The following DGKI variants were observed in gnomAD, a reference collection of about 807,000 sequenced individuals.
DGKI encodes the protein DAG kinase iota.
DGKI carries 55 observed loss-of-function variants against 147.5 expected under a neutral mutation model. The ratio of observed to expected loss-of-function variants is 0.37; its 90% CI spans 0.30 to 0.47. The LOEUF is 0.47. Among genes scored for constraint, DGKI ranks in the 20% least tolerant of loss-of-function variants. The pLI is 1.00. For missense variants in DGKI, 1,007 were observed against 1,323.8 expected, an observed-to-expected ratio of 0.76 and a Z score of 3.71; for synonymous variants, 469 against 477.1, an observed-to-expected ratio of 0.98 and a Z score of 0.22.
intron 19 of DGKI, among the ~76,000 whole-genome samples, chr7:137,567,877 G>A (rs897768342): frequency 3.9e-5 from 6 of 152,128 alleles, no homozygotes; most frequent in African/African-American, 1.2e-4. Context: ...TGCATATGAT[G>A]TATATATGAC....
intron 19 of DGKI, among the ~76,000 whole-genome samples, chr7:137,567,997 G>A (rs1818649673): frequency 6.6e-6 from 1 of 152,138 alleles, no homozygotes; most frequent in African/African-American, 2.4e-5. Context: ...TATAAAAGCT[G>A]AGTGATGATA....
At chr7:137,745,499 T>C (rs1200068924) in intron 1 of DGKI, among the ~76,000 whole-genome samples, 1 of 152,178 alleles carries the variant, frequency 6.6e-6, no homozygotes, top group Non-Finnish European at 1.5e-5. Context: ...ATGATAAAAT[T>C]TCACACTGTC....
intron 20 of DGKI, among the ~76,000 whole-genome samples, chr7:137,540,785 A>C (rs10081271): frequency 0.095 from 13,111 of 138,730 alleles, 1,474 homozygotes; most frequent in African/African-American, 0.28. Context: ...AAAAAAAAAA[A>C]AAACATTTAC....
At chr7:137,466,785 A>G in intron 25 of DGKI, 117 bp downstream of exon 25, 2 of 1,002,728 alleles carry the variant, frequency 2.0e-6, no homozygotes, top group Non-Finnish European at 3.2e-6. Context: ...TATGAACACC[A>G]TTCCAAAATT....
At chr7:137,696,795 G>A (rs1823805086) in intron 1 of DGKI, among the ~76,000 whole-genome samples, 2 of 152,064 alleles carry the variant, frequency 1.3e-5, no homozygotes, top group South Asian at 4.1e-4. Context: ...CCAATTCCTA[G>A]TACCTCAGAA....
intron 27 of DGKI, among the ~76,000 whole-genome samples, chr7:137,458,878 GA>G (rs1205548237): frequency 6.6e-6 from 1 of 151,926 alleles, no homozygotes; most frequent in African/African-American, 2.4e-5. Context: ...CTTGGACACT[GA>G]AAAAAAATTT....
At chr7:137,705,547 G>C (rs144686275) in intron 1 of DGKI, among the ~76,000 whole-genome samples, 322 of 152,222 alleles carry the variant, frequency 2.1e-3, no homozygotes, top group Non-Finnish European at 4.4e-3. Flanking sequence ...GTAGAAATCA[G>C]AACAGTGGTT....
At chr7:137,614,952 G>A (rs191691419) in intron 8 of DGKI, among the ~76,000 whole-genome samples, 117 of 152,096 alleles carry the variant, frequency 7.7e-4, no homozygotes, top group Admixed American at 4.2e-3. Context: ...TTCTCAACCC[G>A]TGTTTCACTG....
chr7:137,396,577 T>C (rs955993559), intron 31 of DGKI, among the ~76,000 whole-genome samples: 5 of 152,236 alleles, frequency 3.3e-5, no homozygotes, highest in African/African-American at 1.2e-4. Flanking sequence ...GGACCAGCTC[T>C]ATGGAGTGAT....
chr7:137,718,685 T>C (rs1794457226), intron 1 of DGKI, among the ~76,000 whole-genome samples: 1 of 152,192 alleles, frequency 6.6e-6, no homozygotes, highest in Non-Finnish European at 1.5e-5. Flanking sequence ...TCTGAGGGAC[T>C]TGTCATCCTT....
At chr7:137,574,386 T>A (rs551441470) in intron 17 of DGKI, among the ~76,000 whole-genome samples, 2 of 152,288 alleles carry the variant, frequency 1.3e-5, no homozygotes, top group South Asian at 4.1e-4. Flanking sequence ...AAAGTAGACA[T>A]TGTAAATGTC....
Position 137,713,532 on chromosome 7 carries a change from C to T in DGKI, c.402-23530G>A, listed in dbSNP as rs188919741. Among the ~76,000 whole-genome samples, 366 of 152,226 alleles carry T rather than the reference C, an allele frequency of 2.4e-3. 1 individual carries two copies. The highest frequency in any genetic ancestry group is 8.5e-3 in the African/African-American group (353 of 41,542). On this transcript the variant is annotated intron_variant, in intron 1 of 32. Coordinates refer to ENST00000614521, the MANE Select transcript of DGKI (RefSeq NM_001321708.2). ...AGGAACTCATGCTAGCTCTTTATGA[C>T]CACTATTTTCTTTTCTAATTCTACA... is the stretch of plus-strand genomic sequence containing the variant.
chr7:137,479,696 G>A (rs1815303426), intron 23 of DGKI, among the ~76,000 whole-genome samples: 1 of 152,152 alleles, frequency 6.6e-6, no homozygotes, highest in East Asian at 1.9e-4. Flanking sequence ...GACATAAACA[G>A]AAACAAAACA....
chr7:137,638,453 C>T (rs1368147391), intron 6 of DGKI, among the ~76,000 whole-genome samples: 2 of 81,708 alleles, frequency 2.4e-5, no homozygotes, highest in African/African-American at 5.3e-5. Context: ...TACACACACA[C>T]ATATATATGT....
intron 1 of DGKI, among the ~76,000 whole-genome samples, chr7:137,732,015 T>C (rs1794899999): frequency 6.6e-6 from 1 of 152,058 alleles, no homozygotes; most frequent in South Asian, 2.1e-4. Context: ...CACCTTCCAA[T>C]AATACTTTAA....
At chr7:137,767,693 T>G (rs1246186349) in intron 1 of DGKI, among the ~76,000 whole-genome samples, 1 of 152,232 alleles carries the variant, frequency 6.6e-6, no homozygotes, top group Non-Finnish European at 1.5e-5. Context: ...AAGTAGACTC[T>G]GGAGCCTCGT....
chr7:137,704,833 A>T (rs1490110410), intron 1 of DGKI, among the ~76,000 whole-genome samples: 1 of 152,210 alleles, frequency 6.6e-6, no homozygotes, highest in Admixed American at 6.5e-5. Flanking sequence ...TTCAGAAAAT[A>T]TGGAGACCAG....
chr7:137,613,254 C>A (rs904441940), intron 8 of DGKI, among the ~76,000 whole-genome samples: 1 of 152,078 alleles, frequency 6.6e-6, no homozygotes, highest in Non-Finnish European at 1.5e-5. Context: ...CTGGACAAAA[C>A]TCTGGTAGAC....
At chr7:137,752,372 A>C (rs1373012266) in intron 1 of DGKI, among the ~76,000 whole-genome samples, 1 of 152,220 alleles carries the variant, frequency 6.6e-6, no homozygotes, top group African/African-American at 2.4e-5. Flanking sequence ...CATATTTATA[A>C]ACTTCAGTTT....
Sources: allele counts gnomAD v4.1 joint callset (sites outside exome capture counted in the v4.1 genomes callset), GRCh38; gene constraint gnomAD v4.1.1; transcripts MANE v1.5; gene names NCBI Gene and HGNC (gene_info 2026-07-23, HGNC 2026-07-21).